Variants in CSMD1 observed in about 807,000 individuals in gnomAD.
CSMD1 encodes CUB and sushi domain-containing protein 1.
A neutral mutation model predicts 417.5 loss-of-function variants in CSMD1; 213 were observed. That is an observed-to-expected ratio of 0.51 (90% CI 0.46 to 0.57). The LOEUF (loss-of-function observed/expected upper bound fraction) is 0.57, where lower values mean the gene tolerates loss of function less well. Among genes scored for constraint, CSMD1 ranks in the 20% least tolerant of loss-of-function variants. The pLI, the probability that CSMD1 is intolerant of heterozygous loss-of-function variation, is 0.00. For synonymous variants in CSMD1, 2,862 were observed against 1,736.8 expected (o/e 1.65, Z -16.11); for missense variants, 6,923 against 4,529.7 (o/e 1.53, Z -15.17).
intron 1 of CSMD1, among the ~76,000 whole-genome samples, chr8:4,662,423 C>G (rs1016222024): frequency 6.6e-6 from 1 of 152,114 alleles, no homozygotes; most frequent in Non-Finnish European, 1.5e-5. Context: ...CACATTGACA[C>G]GCTTTTCTTT....
intron 3 of CSMD1, among the ~76,000 whole-genome samples, chr8:4,110,116 T>A (rs909335829): frequency 6.6e-6 from 1 of 152,016 alleles, no homozygotes; most frequent in Non-Finnish European, 1.5e-5. Context: ...AACGGTGGAG[T>A]TGGAAAAGTG....
At chr8:4,927,559 G>A (rs569443792) in intron 1 of CSMD1, among the ~76,000 whole-genome samples, 24 of 152,262 alleles carry the variant, frequency 1.6e-4, no homozygotes, top group Admixed American at 1.6e-3. Flanking sequence ...CAACTAGCAT[G>A]TAAGAGTTAT....
At chr8:4,541,222 G>T (rs1034784599) in intron 2 of CSMD1, among the ~76,000 whole-genome samples, 1 of 152,038 alleles carries the variant, frequency 6.6e-6, no homozygotes, top group Non-Finnish European at 1.5e-5. Context: ...TCTCTGCTTT[G>T]CCAGTAACTA....
chr8:3,233,426 C>T (rs1015321850), intron 26 of CSMD1, among the ~76,000 whole-genome samples: 1 of 152,190 alleles, frequency 6.6e-6, no homozygotes, highest in Admixed American at 6.5e-5. Context: ...GACTTCTCAG[C>T]CAGCATATTT....
intron 3 of CSMD1, among the ~76,000 whole-genome samples, chr8:4,341,899 T>C (rs1585268390): frequency 6.6e-6 from 1 of 152,212 alleles, no homozygotes; most frequent in Admixed American, 6.6e-5. Context: ...AACTTTCTGA[T>C]TACTCATTAT....
intron 23 of CSMD1, among the ~76,000 whole-genome samples, chr8:3,324,361 C>T (rs1180406017): frequency 6.6e-6 from 1 of 151,316 alleles, no homozygotes; most frequent in Non-Finnish European, 1.5e-5. Flanking sequence ...CACATCTAAT[C>T]CCCAGGGACC....
intron 1 of CSMD1, among the ~76,000 whole-genome samples, chr8:4,972,740 G>C (rs1380940667): frequency 6.6e-6 from 1 of 152,030 alleles, no homozygotes; most frequent in African/African-American, 2.4e-5. Context: ...GAGTTTTGAA[G>C]ATTACCAACA....
At chr8:3,431,404 T>C (rs1814209645) in intron 12 of CSMD1, among the ~76,000 whole-genome samples, 1 of 152,154 alleles carries the variant, frequency 6.6e-6, no homozygotes, top group African/African-American at 2.4e-5. Flanking sequence ...GTGTGCCGCT[T>C]TTGTATTCCC....
At chr8:4,820,250 C>T (rs1036722090) in intron 1 of CSMD1, among the ~76,000 whole-genome samples, 5 of 152,140 alleles carry the variant, frequency 3.3e-5, no homozygotes, top group African/African-American at 1.2e-4. Context: ...GACCCGACTT[C>T]ACAAAAAATA....
At chr8:3,451,043 A>C (rs913329707) in intron 12 of CSMD1, among the ~76,000 whole-genome samples, 5 of 152,068 alleles carry the variant, frequency 3.3e-5, no homozygotes, top group Admixed American at 3.3e-4. Flanking sequence ...TGTGGTTTTG[A>C]TTTGCATTTC....
intron 5 of CSMD1, among the ~76,000 whole-genome samples, chr8:3,797,883 C>G (rs1437789415): frequency 6.6e-6 from 1 of 152,000 alleles, no homozygotes; most frequent in East Asian, 1.9e-4. Context: ...AGTAAGTGAG[C>G]ATGCAAGTTG....
intron 15 of CSMD1, among the ~76,000 whole-genome samples, chr8:3,404,361 G>A (rs954533614): frequency 2.0e-4 from 29 of 148,426 alleles, no homozygotes; most frequent in Non-Finnish European, 2.2e-4. Context: ...AAAAAATTGC[G>A]TTTCTACTTT....
intron 5 of CSMD1, among the ~76,000 whole-genome samples, chr8:3,808,990 G>T (rs1218403569): frequency 6.6e-6 from 1 of 152,120 alleles, no homozygotes; most frequent in African/African-American, 2.4e-5. Flanking sequence ...ACAGGTTTGA[G>T]TCAACATGAC....
intron 1 of CSMD1, among the ~76,000 whole-genome samples, chr8:4,887,479 G>A (rs948577086): frequency 7.2e-5 from 11 of 152,060 alleles, no homozygotes; most frequent in South Asian, 2.1e-4. Flanking sequence ...TTTTTGTTAC[G>A]TGTAGATAAT....
intron 1 of CSMD1, among the ~76,000 whole-genome samples, chr8:4,663,549 G>T (rs1174094971): frequency 6.6e-6 from 1 of 152,046 alleles, no homozygotes; most frequent in East Asian, 1.9e-4. Flanking sequence ...GTTCTCACAA[G>T]ACCTGGCTGT....
intron 23 of CSMD1, among the ~76,000 whole-genome samples, chr8:3,336,262 G>C (rs1807256580): frequency 6.6e-6 from 1 of 152,086 alleles, no homozygotes; most frequent in Admixed American, 6.5e-5. Flanking sequence ...TTTGCAACTT[G>C]GGGTATTATG....
intron 10 of CSMD1, among the ~76,000 whole-genome samples, chr8:3,554,173 G>T (rs1799039808): frequency 6.6e-6 from 1 of 152,218 alleles, no homozygotes; most frequent in Admixed American, 6.5e-5. Context: ...TAGACAAGAA[G>T]AAGTTTTTAA....
intron 3 of CSMD1, among the ~76,000 whole-genome samples, chr8:4,181,143 A>G (rs1044509317): frequency 6.6e-6 from 1 of 152,148 alleles, no homozygotes; most frequent in African/African-American, 2.4e-5. Flanking sequence ...ACAGCCATCT[A>G]TTTTGGTGTA....
chr8:4,969,152 T>C (rs368757714), intron 1 of CSMD1, among the ~76,000 whole-genome samples: 1 of 152,262 alleles, frequency 6.6e-6, no homozygotes, highest in African/African-American at 2.4e-5. Flanking sequence ...TACTTTATTA[T>C]ACCATTATCA....
Sources: gnomAD v4.1 joint callset for allele counts (sites outside exome capture counted in the v4.1 genomes callset) on GRCh38, gnomAD v4.1.1 for gene constraint, MANE v1.5 for transcripts, NCBI Gene and HGNC (gene_info 2026-07-23, HGNC 2026-07-21) for gene names.